Variants in NRAP observed in about 807,000 individuals in gnomAD.
NRAP encodes nebulin related anchoring protein.
Under a neutral mutation model 225.9 loss-of-function variants are expected in NRAP, and 189 were observed. That is an observed-to-expected ratio of 0.84 (90% CI 0.74 to 0.94). The LOEUF (loss-of-function observed/expected upper bound fraction) is 0.94. Ranked by LOEUF, NRAP falls within the 40% of genes least tolerant of loss-of-function variation. The pLI is 0.00. For synonymous variants in NRAP, 769 were observed against 790.7 expected (o/e 0.97, Z 0.46); for missense variants, 2,176 against 2,168.7 (o/e 1.00, Z -0.07).
In NRAP at chr10:113,628,984, A is replaced by C; in HGVS notation, c.2078T>G (p.Val693Gly). The C allele has an allele frequency of 6.2e-7, 1 of 1,613,718 alleles. No individual in the cohort carries two copies. The highest frequency in any genetic ancestry group is 8.5e-7 in the Non-Finnish European group (1 of 1,179,842). The change falls in exon 20 of 42, where the codon GTT becomes GGT. Residue 693 changes from valine to glycine, a missense_variant. Around this residue, in one of 3 missense-constraint regions of NRAP, gnomAD observed 1,708 missense variants for 1,695.5 expected, o/e 1.01. Transcript: ENST00000359988. The stretch of plus-strand genomic sequence containing the variant: ...GAGACTCCCCTCTGTCAGCCACCCA[A>C]CTCCCTTCATCCATGCCAGGTCAGC... ...YKADLAWMKG[V>G]GWLTEGSLNL...
At chr10:113,631,397 T>G in intron 18 of NRAP, 112 bp downstream of exon 18, 2 of 618,384 alleles carry the variant, frequency 3.2e-6, no homozygotes, top group East Asian at 2.8e-5. Flanking sequence ...AAGAAAGGAG[T>G]TGCAGGTAGA....
intron 14 of NRAP, among the ~76,000 whole-genome samples, chr10:113,635,627 C>T (rs746805834): frequency 4.6e-5 from 7 of 152,118 alleles, no homozygotes; most frequent in Non-Finnish European, 7.4e-5. Context: ...AGGGTTTCCC[C>T]GTGTTGGCCA....
At chr10:113,618,711 T>A (rs2133968125) in intron 25 of NRAP, among the ~76,000 whole-genome samples, 1 of 152,276 alleles carries the variant, frequency 6.6e-6, no homozygotes, top group East Asian at 1.9e-4. Flanking sequence ...TTTGGGAGGC[T>A]GAGGAGGGCG....
chr10:113,653,077 T>A, intron 5 of NRAP, 38 bp from the exon 6 acceptor site: 1 of 1,119,392 alleles, frequency 8.9e-7, no homozygotes, highest in Non-Finnish European at 1.3e-6. Context: ...AGAACTGAGA[T>A]GATATTGAAT....
rs1849880668 is a variant in NRAP at position 113,650,478 on chromosome 10, G to A, written c.743C>T (p.Ala248Val). The part of the protein sequence containing the change: ...KGSFPAMITP[A>V]YQIAKRANEL... The stretch of plus-strand genomic sequence containing the variant: ...ATTGGCTCTTTTGGCTATCTGATAG[G>A]CGGGTGTGATCATCGCAGGGAAACT... Residue 248 changes from alanine to valine, a missense_variant, in exon 8 of 42, where the codon GCC (alanine) becomes GTC (valine). Transcript: ENST00000359988. The A allele has an allele frequency of 1.2e-6, 2 of 1,613,890 alleles. No individual in the cohort carries two copies. Among genetic ancestry groups the A allele is most frequent in the Non-Finnish European group, 1.7e-6 (2 of 1,179,842 alleles).
At chr10:113,623,075 C>A (rs1848090568) in intron 23 of NRAP, among the ~76,000 whole-genome samples, 2 of 152,190 alleles carry the variant, frequency 1.3e-5, no homozygotes, top group South Asian at 4.1e-4. Flanking sequence ...TTTGCAATTA[C>A]CAATTTACCA....
intron 9 of NRAP, among the ~76,000 whole-genome samples, chr10:113,648,437 T>TTCTCTCTCTCTC (rs376144953): frequency 0.023 from 1,484 of 65,886 alleles, 61 homozygotes; most frequent in East Asian, 0.031. Flanking sequence ...TTATTTTAGT[T>TTCTCTCTCTCTC]TCTCTCTCTC....
intron 39 of NRAP, 45 bp from the exon 40 acceptor site, chr10:113,590,934 C>A: frequency 1.3e-6 from 2 of 1,568,850 alleles, no homozygotes; most frequent in Non-Finnish European, 1.7e-6. Flanking sequence ...GCCTACCTCC[C>A]CCAGGACCAG....
chr10:113,606,720 A>G (rs149036845), intron 32 of NRAP, among the ~76,000 whole-genome samples: 3 of 152,278 alleles, frequency 2.0e-5, no homozygotes, highest in Admixed American at 2.0e-4. Flanking sequence ...AATCACACCA[A>G]TGCTGCCCTG....
chr10:113,628,885 T>A, intron 20 of NRAP, 32 bp downstream of exon 20: 1 of 1,220,404 alleles, frequency 8.2e-7, no homozygotes, highest in Non-Finnish European at 1.2e-6. Flanking sequence ...GGCTGAGGAC[T>A]ACTGGAGGCC....
rs11446517 is a variant in NRAP, at chr10:113,620,724, G to GA, written c.2770-17dup. 123,540 of 1,095,982 alleles carry GA rather than the reference G, an allele frequency of 0.11. 12 individuals carry two copies. The highest frequency in any genetic ancestry group is 0.12 in the Non-Finnish European group (94,496 of 790,684). The allele number at this position is 1,095,982 out of a possible 1,614,324, so 67.9% of individuals were successfully genotyped here. ...TGTATTGGTTCTGACAAAGGAGAAAGAAAAAAAAAAAAAGCAGGCCATTGT... is the reference window on the plus strand; with the variant it reads ...TGTATTGGTTCTGACAAAGGAGAAAGAAAAAAAAAAAAAAGCAGGCCATTGT... On this transcript the variant is annotated splice_polypyrimidine_tract_variant and intron_variant, in intron 24 of 41. Coordinates refer to ENST00000359988, the MANE Select transcript of NRAP (RefSeq NM_198060.4).
At chr10:113,605,176 T>C (rs1846878915) in intron 34 of NRAP, among the ~76,000 whole-genome samples, 1 of 152,198 alleles carries the variant, frequency 6.6e-6, no homozygotes, top group African/African-American at 2.4e-5. Flanking sequence ...AAAAGGAATT[T>C]ATCAAAAAGG....
chr10:113,634,597 C>A (rs551412438), intron 14 of NRAP, among the ~76,000 whole-genome samples: 1 of 152,172 alleles, frequency 6.6e-6, no homozygotes, highest in African/African-American at 2.4e-5. Context: ...ACTCTCACAA[C>A]GGTGCTAGCA....
chr10:113,601,441 G>A, intron 35 of NRAP, among the ~76,000 whole-genome samples: 1 of 152,236 alleles, frequency 6.6e-6, no homozygotes, highest in East Asian at 1.9e-4. Context: ...CTCAGAACCA[G>A]CTGAACATTT....
chr10:113,615,560 G>T (rs1054825337), intron 27 of NRAP, 152 bp downstream of exon 27: 1 of 648,216 alleles, frequency 1.5e-6, no homozygotes, highest in African/African-American at 1.8e-5. Flanking sequence ...AAAATGTGGG[G>T]CCCCTTGTTC....
At chr10:113,609,255 C>A (rs974967484) in intron 31 of NRAP, among the ~76,000 whole-genome samples, 1 of 152,320 alleles carries the variant, frequency 6.6e-6, no homozygotes, top group East Asian at 1.9e-4. Flanking sequence ...GTAAATTAGT[C>A]AGTGGGGCCC....
chr10:113,632,912 A>G (rs921504849), intron 16 of NRAP, among the ~76,000 whole-genome samples, 172 bp downstream of exon 16: 3 of 152,258 alleles, frequency 2.0e-5, no homozygotes, highest in African/African-American at 7.2e-5. Context: ...ATTTATCACT[A>G]GTAAACTACA....
intron 14 of NRAP, among the ~76,000 whole-genome samples, chr10:113,635,034 G>A (rs962611649): frequency 1.3e-5 from 2 of 152,198 alleles, no homozygotes. Flanking sequence ...CAAAAGAGGA[G>A]GAGGCAGAAT....
At chr10:113,607,491 G>A (rs1395421286) in intron 32 of NRAP, among the ~76,000 whole-genome samples, 5 of 150,426 alleles carry the variant, frequency 3.3e-5, no homozygotes, top group African/African-American at 1.2e-4. Context: ...TGGTTGCTGA[G>A]TTGGCTAACG....
Sources: gnomAD v4.1 joint callset for allele counts (sites outside exome capture counted in the v4.1 genomes callset) on GRCh38, gnomAD v4.1.1 for gene constraint, gnomAD v4.1.1 regional missense constraint, MANE v1.5 for transcripts, NCBI Gene and HGNC (gene_info 2026-07-23, HGNC 2026-07-21) for gene names.